The following GALNTL6 variants were observed in gnomAD, a reference collection of about 807,000 sequenced individuals.
GALNTL6 encodes the protein polypeptide N-acetylgalactosaminyltransferase-like 6.
Under a neutral mutation model 73.7 loss-of-function variants are expected in GALNTL6, and 46 were observed. That is an observed-to-expected ratio of 0.62 (90% CI 0.49 to 0.80). GALNTL6 has a LOEUF of 0.80. GALNTL6 is among the 30% of genes least tolerant of loss of function. GALNTL6 has a pLI of 0.00. For synonymous variants in GALNTL6, 259 were observed against 263.7 expected (o/e 0.98, Z 0.17); for missense variants, 604 against 755.0 (o/e 0.80, Z 2.34).
At chr4:172,981,319 C>G (rs1001014323) in intron 10 of GALNTL6, among the ~76,000 whole-genome samples, 12 of 152,208 alleles carry the variant, frequency 7.9e-5, no homozygotes, top group African/African-American at 2.9e-4. Context: ...TTCCTACCAA[C>G]AGTGCACGAG....
chr4:172,976,028 G>A lies in GALNTL6; in HGVS notation c.1371+23770G>A, dbSNP rs562011534. Among the ~76,000 whole-genome samples the A allele has an allele frequency of 1.7e-3, 257 of 152,168 alleles. 1 individual carries two copies. The highest frequency in any genetic ancestry group is 5.9e-3 in the African/African-American group (244 of 41,550). On this transcript the variant is annotated intron_variant, in intron 10 of 12. Coordinates refer to ENST00000506823, the MANE Select transcript of GALNTL6 (RefSeq NM_001034845.3). ...CCGCCCGCTTAACTCGGAAGGGGGC[G>A]GAGCTCCAACCTGTTCCTGGCTCCC...
chr4:172,732,811 A>G (rs1736231297), intron 5 of GALNTL6, among the ~76,000 whole-genome samples: 1 of 152,206 alleles, frequency 6.6e-6, no homozygotes, highest in Admixed American at 6.5e-5. Flanking sequence ...ATAGACACAA[A>G]CAAAGGCAAA....
intron 12 of GALNTL6, among the ~76,000 whole-genome samples, chr4:173,032,439 A>G (rs1753506988): frequency 6.6e-6 from 1 of 150,934 alleles, no homozygotes; most frequent in Non-Finnish European, 1.5e-5. Flanking sequence ...CGACAGAGCG[A>G]GACTCCGTCT....
intron 5 of GALNTL6, among the ~76,000 whole-genome samples, chr4:172,560,335 A>G (rs1038385830): frequency 1.6e-4 from 7 of 44,538 alleles, no homozygotes; most frequent in African/African-American, 4.2e-4. Flanking sequence ...AGCAAAAAAA[A>G]AAGAAAAAAA....
intron 5 of GALNTL6, among the ~76,000 whole-genome samples, chr4:172,755,122 A>G (rs1737671629): frequency 6.6e-6 from 1 of 152,130 alleles, no homozygotes; most frequent in Admixed American, 6.6e-5. Flanking sequence ...TACACTGGTC[A>G]TTTGCAGATT....
At chr4:172,826,046 C>CT (rs997413086) in intron 7 of GALNTL6, among the ~76,000 whole-genome samples, 1 of 151,980 alleles carries the variant, frequency 6.6e-6, no homozygotes, top group Non-Finnish European at 1.5e-5. Flanking sequence ...ATGAATGTAA[C>CT]TTTTTTTTAT....
Position 171,910,298 on chromosome 4 carries a change from T to C in GALNTL6, c.138+95580T>C, listed in dbSNP as rs764908749. On this transcript the variant is annotated intron_variant, in intron 2 of 12. Transcript: ENST00000506823. ...CATATGCGCAGATTTTTCAATGTTT[T>C]GAAAGTAGGTTTTGTACCACAGGGG... Among the ~76,000 whole-genome samples the C allele has an allele frequency of 2.2e-4, 34 of 152,112 alleles. 1 individual carries two copies. The highest frequency in any genetic ancestry group is 5.9e-5 in the Non-Finnish European group (4 of 68,000).
At chr4:171,836,122 T>A (rs1221299317) in intron 2 of GALNTL6, among the ~76,000 whole-genome samples, 6 of 152,060 alleles carry the variant, frequency 3.9e-5, no homozygotes, top group Admixed American at 3.3e-4. Context: ...TCTCCTAGCA[T>A]CCTTTAGTAG....
rs112252748 is a variant in GALNTL6 at position 172,425,714 on chromosome 4, C to A, written c.553+77025C>A. On this transcript the variant is annotated intron_variant, in intron 5 of 12. Transcript: ENST00000506823. The stretch of plus-strand genomic sequence containing the variant: ...AATAAGTTTAGGGATTCATGTTCTG[C>A]TTACATCAGAGACCTTATTAAGTAG... Among the ~76,000 whole-genome samples the A allele has an allele frequency of 8.1e-3, 1,233 of 152,082 alleles. 11 individuals carry two copies. The highest frequency in any genetic ancestry group is 0.028 in the African/African-American group (1,162 of 41,518).
intron 2 of GALNTL6, among the ~76,000 whole-genome samples, chr4:172,176,463 T>G (rs72700981): frequency 6.6e-6 from 1 of 151,640 alleles, no homozygotes; most frequent in Non-Finnish European, 1.5e-5. Flanking sequence ...CTTTAAATAC[T>G]GTAAAAGGAA....
chr4:172,680,028 C>A (rs1386344389), intron 5 of GALNTL6, among the ~76,000 whole-genome samples: 1 of 151,942 alleles, frequency 6.6e-6, no homozygotes, highest in Non-Finnish European at 1.5e-5. Flanking sequence ...TGAGTATTGG[C>A]TTTCTAATAA....
chr4:172,289,632 G>A (rs900794123), intron 3 of GALNTL6, among the ~76,000 whole-genome samples: 2 of 152,162 alleles, frequency 1.3e-5, no homozygotes, highest in African/African-American at 4.8e-5. Context: ...TGAGAAGCTA[G>A]AGCTCCTATG....
chr4:172,355,340 G>A (rs958258147), intron 5 of GALNTL6, among the ~76,000 whole-genome samples: 2 of 152,086 alleles, frequency 1.3e-5, no homozygotes, highest in Admixed American at 6.6e-5. Context: ...TGTTAGAAGT[G>A]TTCTAATGTA....
chr4:172,736,040 G>C (rs1176386823), intron 5 of GALNTL6, among the ~76,000 whole-genome samples: 2 of 152,144 alleles, frequency 1.3e-5, no homozygotes, highest in Non-Finnish European at 2.9e-5. Flanking sequence ...AGGGCAGAGA[G>C]GCAGAGTGAG....
At chr4:172,813,418 G>C in intron 6 of GALNTL6, 122 bp from the exon 7 acceptor site, 1 of 689,728 alleles carries the variant, frequency 1.4e-6, no homozygotes, top group South Asian at 2.6e-5. Context: ...CTCTAAGGAG[G>C]ACAGGGAGCC....
At chr4:172,628,904 A>C (rs1405065369) in intron 5 of GALNTL6, among the ~76,000 whole-genome samples, 1 of 152,188 alleles carries the variant, frequency 6.6e-6, no homozygotes, top group Admixed American at 6.6e-5. Flanking sequence ...ATTTAAAAAA[A>C]AAAGTACCTA....
intron 2 of GALNTL6, among the ~76,000 whole-genome samples, chr4:172,137,505 AT>A (rs1238317194): frequency 6.6e-6 from 1 of 152,230 alleles, no homozygotes; most frequent in Non-Finnish European, 1.5e-5. Context: ...AGCCAAACAA[AT>A]GACGTCTATT....
intron 7 of GALNTL6, among the ~76,000 whole-genome samples, chr4:172,862,905 G>A (rs1039679411): frequency 6.6e-6 from 1 of 152,184 alleles, no homozygotes; most frequent in Non-Finnish European, 1.5e-5. Context: ...TCCTGGGCTG[G>A]GCCCAGGGCC....
intron 3 of GALNTL6, among the ~76,000 whole-genome samples, chr4:172,269,481 C>T (rs536237575): frequency 9.2e-5 from 14 of 152,072 alleles, no homozygotes; most frequent in Admixed American, 3.9e-4. Context: ...CCCCTTCCCT[C>T]CAATGTCAGG....
Sources: gnomAD v4.1 joint callset for allele counts (sites outside exome capture counted in the v4.1 genomes callset) on GRCh38, gnomAD v4.1.1 for gene constraint, MANE v1.5 for transcripts, NCBI Gene and HGNC (gene_info 2026-07-23, HGNC 2026-07-21) for gene names.